MITF: variants seen among roughly 807,000 people sequenced by gnomAD.
The protein encoded by MITF is melanocyte inducing transcription factor.
Under a neutral mutation model 60.5 loss-of-function variants are expected in MITF, and 17 were observed. The ratio of observed to expected loss-of-function variants is 0.28; its 90% CI spans 0.19 to 0.42. The LOEUF is 0.42. MITF is among the 10% of genes least tolerant of loss of function. The probability of loss-of-function intolerance (pLI) is 1.00; values close to 1 mark genes in which losing one functional copy is unlikely to be tolerated. For synonymous variants in MITF, 260 were observed against 248.5 expected (o/e 1.05, Z -0.43); for missense variants, 622 against 683.5 (o/e 0.91, Z 1.00).
intron 1 of MITF, among the ~76,000 whole-genome samples, chr3:69,832,944 T>A (rs994697990): frequency 2.6e-5 from 4 of 151,494 alleles, no homozygotes; most frequent in African/African-American, 9.6e-5. Context: ...TTAGACTGTA[T>A]GTAGTTGTTT....
chr3:69,781,091 AGTAACT>A (rs1444900964), intron 1 of MITF, among the ~76,000 whole-genome samples: 4 of 151,666 alleles, frequency 2.6e-5, no homozygotes, highest in African/African-American at 7.3e-5. Context: ...TTTTTTTAGT[AGTAACT>A]GTGATTCTGG....
intron 1 of MITF, among the ~76,000 whole-genome samples, chr3:69,757,159 G>A (rs1704183139): frequency 6.6e-6 from 1 of 152,064 alleles, no homozygotes; most frequent in South Asian, 2.1e-4. Flanking sequence ...CCAACTATCA[G>A]CTGTTGTGTG....
chr3:69,818,662 T>A (rs2063218999), intron 1 of MITF, among the ~76,000 whole-genome samples: 1 of 152,198 alleles, frequency 6.6e-6, no homozygotes, highest in African/African-American at 2.4e-5. Flanking sequence ...AATGAAAACA[T>A]GAATTAAGTA....
At chr3:69,814,265 G>A (rs575968143) in intron 1 of MITF, among the ~76,000 whole-genome samples, 16 of 152,190 alleles carry the variant, frequency 1.1e-4, no homozygotes, top group Admixed American at 5.2e-4. Flanking sequence ...CAACCTTGTG[G>A]TATAGTTTAT....
At chr3:69,873,229 A>G (rs1262306298) in intron 1 of MITF, among the ~76,000 whole-genome samples, 1 of 152,160 alleles carries the variant, frequency 6.6e-6, no homozygotes, top group Admixed American at 6.5e-5. Context: ...GAGGGATGAT[A>G]TAGTTTCTTA....
chr3:69,831,773 G>C (rs1011344786), intron 1 of MITF, among the ~76,000 whole-genome samples: 2 of 152,184 alleles, frequency 1.3e-5, no homozygotes, highest in African/African-American at 4.8e-5. Flanking sequence ...AGAGCAGAAT[G>C]ACACAGTGAA....
At chr3:69,878,144 T>C (rs1408394356) in intron 1 of MITF, among the ~76,000 whole-genome samples, 1 of 152,144 alleles carries the variant, frequency 6.6e-6, no homozygotes, top group Non-Finnish European at 1.5e-5. Context: ...CTTTAAAATA[T>C]ACATGATGCT....
chr3:69,878,905 C>T (rs1214540084), intron 1 of MITF, among the ~76,000 whole-genome samples: 1 of 151,946 alleles, frequency 6.6e-6, no homozygotes, highest in Non-Finnish European at 1.5e-5. Flanking sequence ...AATTAAGCCG[C>T]CTGATAAAAA....
At chr3:69,790,086 A>G (rs771664788) in intron 1 of MITF, among the ~76,000 whole-genome samples, 6 of 152,246 alleles carry the variant, frequency 3.9e-5, no homozygotes, top group Non-Finnish European at 7.3e-5. Context: ...AGTATTATTC[A>G]GCCTTAAAAA....
chr3:69,794,949 T>A (rs2062804483), intron 1 of MITF, among the ~76,000 whole-genome samples: 2 of 152,230 alleles, frequency 1.3e-5, no homozygotes, highest in East Asian at 3.8e-4. Flanking sequence ...TTGTACTTTT[T>A]GATGCTGTGT....
rs1269638122 is a variant in MITF at position 69,866,186 on chromosome 3, C to G, written c.105-12948C>G. The G allele has an allele frequency of 3.2e-6, 5 of 1,565,902 alleles. No individual in the cohort carries two copies. In the African/African-American group the frequency reaches 4.1e-5, roughly 13 times the overall value. On this transcript the variant is annotated intron_variant, in intron 1 of 9. Transcript: ENST00000352241. ...CAGAGCTGTGTTTGGATTGGAGTTT[C>G]CAGGGCCTTATCAGGAGCCACCCCT...
chr3:69,830,933 A>G (rs2063436796), intron 1 of MITF, among the ~76,000 whole-genome samples: 1 of 151,558 alleles, frequency 6.6e-6, no homozygotes, highest in Non-Finnish European at 1.5e-5. Flanking sequence ...TTTCTTATTG[A>G]TTTTTGCTGT....
At chr3:69,769,569 G>A (rs1023016372) in intron 1 of MITF, 1 of 152,078 alleles carries the variant, frequency 6.6e-6, no homozygotes, top group Non-Finnish European at 1.5e-5. Context: ...CAGCACGGGA[G>A]TTTTGACCTG....
intron 1 of MITF, among the ~76,000 whole-genome samples, chr3:69,852,234 A>G (rs1415829906): frequency 2.0e-5 from 3 of 152,210 alleles, no homozygotes; most frequent in Admixed American, 2.0e-4. Context: ...AAGTATACAC[A>G]TCTTACATGC....
rs2064424668 is a variant in MITF at position 69,879,220 on chromosome 3, T to C, written c.191T>C (p.Met64Thr). ...TSRILLRQQL[M>T]REQMQEQERR... ...CGCATCTTGCTACGCCAGCAACTCA[T>C]GCGTGAGCAGATGCAGGAGCAGGAG... Residue 64 changes from methionine (M) to threonine (T), a missense_variant, in exon 2 of 10, where the codon ATG (methionine) becomes ACG (threonine). Around this residue, in one of 5 missense-constraint regions of MITF, gnomAD observed 149 missense variants for 157.8 expected, o/e 0.94. Transcript: ENST00000352241. 2 of 1,614,216 alleles carry C rather than the reference T, an allele frequency of 1.2e-6. No individual in the cohort carries two copies. The highest frequency in any genetic ancestry group is 2.2e-5 in the East Asian group (1 of 44,880).
rs1272116206 is a variant in MITF at position 69,965,611 on chromosome 3, C to A, written c.*363C>A. ...TTATGCCTGTGACTTCCTTGGAAAT[C>A]AAATGTAAAGTTTAATTGAAAGAAT... On this transcript the variant is annotated 3_prime_UTR_variant, in exon 10 of 10. Transcript: ENST00000352241. 21 of 238,754 alleles carry A rather than the reference C, an allele frequency of 8.8e-5. No homozygotes were observed. In the South Asian group the frequency reaches 1.0e-3, roughly 11 times the overall value. The allele number at this position is 238,754 out of a possible 1,614,324, so 14.8% of individuals were successfully genotyped here.
chr3:69,866,207 C>T lies in MITF; in HGVS notation c.105-12927C>T, dbSNP rs1228306084. ...GTTTCCAGGGCCTTATCAGGAGCCA[C>T]CCCTAGTGACACAGCCAGTGCCAGA... is the stretch of plus-strand genomic sequence containing the variant. On this transcript the variant is annotated intron_variant, in intron 1 of 9. Coordinates refer to ENST00000352241, the MANE Select transcript of MITF (RefSeq NM_001354604.2). 3.3e-5 allele frequency: 52 copies of T among 1,596,668 alleles called. 1 individual carries two copies. Among genetic ancestry groups the T allele is most frequent in the Non-Finnish European group, 4.3e-5 (51 of 1,174,146 alleles).
chr3:69,811,621 G>GC (rs1325677397), intron 1 of MITF, among the ~76,000 whole-genome samples: 8 of 152,174 alleles, frequency 5.3e-5, no homozygotes, highest in Non-Finnish European at 1.0e-4. Flanking sequence ...AGCTAATCAA[G>GC]CCAGTGGTGA....
intron 1 of MITF, among the ~76,000 whole-genome samples, chr3:69,832,556 T>C (rs945789663): frequency 5.9e-5 from 9 of 152,260 alleles, no homozygotes; most frequent in Admixed American, 2.0e-4. Context: ...TTTCATCTTA[T>C]TGCCCAGTGG....
Sources: gnomAD v4.1 joint callset for allele counts (sites outside exome capture counted in the v4.1 genomes callset) on GRCh38, gnomAD v4.1.1 for gene constraint, gnomAD v4.1.1 regional missense constraint, MANE v1.5 for transcripts, NCBI Gene and HGNC (gene_info 2026-07-23, HGNC 2026-07-21) for gene names.